Variants in MBD5 observed in about 807,000 individuals in gnomAD.
MBD5 encodes the protein methyl-CpG binding domain protein 5.
A neutral mutation model predicts 117.3 loss-of-function variants in MBD5; 13 were observed. The observed-to-expected ratio is 0.11, with a 90% CI of 0.07 to 0.18. The LOEUF is 0.18. Among genes scored for constraint, MBD5 ranks in the 10% least tolerant of loss-of-function variants. MBD5 has a pLI of 1.00. For synonymous variants in MBD5, 727 were observed against 766.4 expected, an observed-to-expected ratio of 0.95 and a Z score of 0.85; for missense variants, 1,879 against 2,093.8, an observed-to-expected ratio of 0.90 and a Z score of 2.00.
chr2:148,110,975 T>G (rs1696491559), intron 1 of MBD5, among the ~76,000 whole-genome samples: 1 of 152,212 alleles, frequency 6.6e-6, no homozygotes, highest in Admixed American at 6.5e-5. Context: ...TCTATGAGGT[T>G]TTTATTTTAA....
chr2:148,410,676 C>A (rs996836766), intron 4 of MBD5, among the ~76,000 whole-genome samples: 1 of 152,158 alleles, frequency 6.6e-6, no homozygotes, highest in African/African-American at 2.4e-5. Context: ...AAGTGATTCA[C>A]CTGCCTCGTC....
chr2:148,418,985 C>T (rs1208877155), intron 4 of MBD5, among the ~76,000 whole-genome samples: 1 of 152,108 alleles, frequency 6.6e-6, no homozygotes, highest in African/African-American at 2.4e-5. Context: ...TGCCATTATA[C>T]AAGGCTATAG....
At chr2:148,121,418 TC>T (rs1310593883) in intron 1 of MBD5, among the ~76,000 whole-genome samples, 1 of 152,050 alleles carries the variant, frequency 6.6e-6, no homozygotes, top group African/African-American at 2.4e-5. Context: ...GTTTTTTTTT[TC>T]TTTTTACAAT....
Position 148,299,837 on chromosome 2 carries a change from T to G in MBD5, c.-679-42377T>G, listed in dbSNP as rs114435338. 5.1e-3 allele frequency among the ~76,000 whole-genome samples: 781 copies of G among 152,322 alleles called. 13 individuals are homozygous for G. Among genetic ancestry groups the G allele is most frequent in the African/African-American group, 0.018 (751 of 41,578 alleles). On this transcript the variant is annotated intron_variant, in intron 3 of 13. Transcript: ENST00000642680. ...GGAAGTCAGTCATAACCTTTTATATTTGCCCATAGTTTGCTTTCTTGCCTC... is the reference window on the plus strand; with the variant it reads ...GGAAGTCAGTCATAACCTTTTATATGTGCCCATAGTTTGCTTTCTTGCCTC...
chr2:148,233,884 C>T (rs1188464669), intron 3 of MBD5, among the ~76,000 whole-genome samples: 1 of 152,174 alleles, frequency 6.6e-6, no homozygotes, highest in Non-Finnish European at 1.5e-5. Flanking sequence ...TCTTGGAAAG[C>T]TATCCCTTTA....
rs561063527 is a variant in MBD5, at chr2:148,341,959, T to C, written c.-679-255T>C. ...ATACTACTATTTTTATCAATAATTTTTAATTTATTAAATATGTTTCTTCTG... is the reference window on the plus strand; with the variant it reads ...ATACTACTATTTTTATCAATAATTTCTAATTTATTAAATATGTTTCTTCTG... On this transcript the variant is annotated intron_variant, in intron 3 of 13. Coordinates refer to ENST00000642680, the MANE Select transcript of MBD5 (RefSeq NM_001378120.1). 5.9e-5 allele frequency among the ~76,000 whole-genome samples: 9 copies of C among 152,150 alleles called. No individual in the cohort carries two copies. The South Asian group carries it at 1.9e-3, about 32-fold the overall frequency.
chr2:148,234,788 T>G (rs1165155343), intron 3 of MBD5, among the ~76,000 whole-genome samples: 8 of 152,166 alleles, frequency 5.3e-5, no homozygotes, highest in Admixed American at 5.2e-4. Context: ...TTATAACCCT[T>G]TATGCACTTT....
At chr2:148,381,317 G>A (rs541482090) in intron 4 of MBD5, among the ~76,000 whole-genome samples, 2 of 152,332 alleles carry the variant, frequency 1.3e-5, no homozygotes, top group South Asian at 2.1e-4. Flanking sequence ...ACTACGTGAT[G>A]AATGCACAAG....
At chr2:148,335,923 G>C (rs1468573560) in intron 3 of MBD5, among the ~76,000 whole-genome samples, 5 of 152,150 alleles carry the variant, frequency 3.3e-5, no homozygotes, top group African/African-American at 4.8e-5. Flanking sequence ...CATACAGCTA[G>C]TGCATGACAA....
chr2:148,239,887 G>A (rs1022520674), intron 3 of MBD5, among the ~76,000 whole-genome samples: 11 of 152,060 alleles, frequency 7.2e-5, no homozygotes, highest in African/African-American at 1.9e-4. Flanking sequence ...TTGTAGAAAC[G>A]GGGTCTTGCC....
intron 8 of MBD5, among the ~76,000 whole-genome samples, chr2:148,474,645 C>G (rs1158749186): frequency 1.3e-5 from 2 of 151,990 alleles, no homozygotes; most frequent in Non-Finnish European, 2.9e-5. Context: ...CATTTATTTG[C>G]CTTAACTCTT....
At chr2:148,071,442 C>T (rs1366171214) in intron 1 of MBD5, 2 of 151,946 alleles carry the variant, frequency 1.3e-5, no homozygotes, top group African/African-American at 4.8e-5. Context: ...TTCTAATAAT[C>T]TAGTGAAATA....
chr2:148,093,348 A>G (rs76854687), intron 1 of MBD5, among the ~76,000 whole-genome samples: 1,870 of 152,332 alleles, frequency 0.012, 44 homozygotes, highest in African/African-American at 0.042. Flanking sequence ...GGTTGTCTTC[A>G]GAGACTTTGC....
intron 1 of MBD5, among the ~76,000 whole-genome samples, chr2:148,134,182 A>G: frequency 6.6e-6 from 1 of 151,018 alleles, no homozygotes; most frequent in Admixed American, 6.6e-5. Flanking sequence ...TATTTTCATG[A>G]TAGATAGATA....
intron 4 of MBD5, among the ~76,000 whole-genome samples, chr2:148,438,340 C>T (rs1156246317): frequency 4.6e-5 from 7 of 152,190 alleles, no homozygotes; most frequent in Non-Finnish European, 5.9e-5. Flanking sequence ...TAAGTAAATG[C>T]TGTCACTTGA....
intron 11 of MBD5, among the ~76,000 whole-genome samples, chr2:148,491,484 C>T (rs1172834682): frequency 6.6e-6 from 1 of 151,926 alleles, no homozygotes; most frequent in African/African-American, 2.4e-5. Context: ...ATTACTCTTA[C>T]AGGTATATGT....
intron 1 of MBD5, among the ~76,000 whole-genome samples, chr2:148,150,154 C>T (rs1165554244): frequency 1.4e-5 from 2 of 138,826 alleles, no homozygotes; most frequent in African/African-American, 5.3e-5. Flanking sequence ...CAGCTTTCTA[C>T]ATATGGCTAG....
intron 2 of MBD5, among the ~76,000 whole-genome samples, chr2:148,200,939 C>T (rs539942295): frequency 1.3e-5 from 2 of 152,212 alleles, no homozygotes; most frequent in East Asian, 3.9e-4. Flanking sequence ...AAACATGATC[C>T]ATTTATTTAT....
intron 3 of MBD5, among the ~76,000 whole-genome samples, chr2:148,254,981 C>T (rs1201162178): frequency 6.6e-6 from 1 of 152,184 alleles, no homozygotes; most frequent in East Asian, 1.9e-4. Context: ...CCCAAGTCTC[C>T]AGCCATGTCC....
Sources: gnomAD v4.1 joint callset for allele counts (sites outside exome capture counted in the v4.1 genomes callset) on GRCh38, gnomAD v4.1.1 for gene constraint, MANE v1.5 for transcripts, NCBI Gene and HGNC (gene_info 2026-07-23, HGNC 2026-07-21) for gene names.